ASB13: variants seen among roughly 807,000 people sequenced by gnomAD.
ASB13 encodes ankyrin repeat and SOCS box protein 13.
ASB13 carries 33 observed loss-of-function variants against 28.8 expected under a neutral mutation model. That is an observed-to-expected ratio of 1.15 (90% confidence interval 0.87 to 1.53). The LOEUF (loss-of-function observed/expected upper bound fraction) is 1.53. Among genes scored for constraint, ASB13 ranks in the 40% most tolerant of loss-of-function variants. The pLI, the probability that ASB13 is intolerant of heterozygous loss-of-function variation, is 0.00. For synonymous variants in ASB13, 182 were observed against 172.9 expected, an observed-to-expected ratio of 1.05 and a Z score of -0.41; for missense variants, 414 against 390.1, an observed-to-expected ratio of 1.06 and a Z score of -0.52.
chr10:5,660,032 G>A lies in ASB13; in HGVS notation c.43+6477C>T, dbSNP rs1835134994. Among the ~76,000 whole-genome samples the A allele has an allele frequency of 6.6e-6, 1 of 152,182 alleles. No individual in the cohort carries two copies. Among genetic ancestry groups the A allele is most frequent in the Non-Finnish European group, 1.5e-5 (1 of 68,042 alleles). ...TGCAGCCCTGGTGACTCATGACCCA[G>A]TCCTGATGGCTGGATTCTACCCACT... is the stretch of plus-strand genomic sequence containing the variant. On this transcript the variant is annotated intron_variant, in intron 1 of 5. Coordinates refer to ENST00000357700, the MANE Select transcript of ASB13 (RefSeq NM_024701.4). The surrounding 1 kb of genome is among the most constrained non-coding windows in gnomAD (Gnocchi z 6.1).
Position 5,640,458 on chromosome 10 carries a change from G to C in ASB13, c.*245C>G. 2 of 465,152 alleles carry C rather than the reference G, an allele frequency of 4.3e-6. No homozygotes were observed. Among genetic ancestry groups the C allele is most frequent in the Non-Finnish European group, 7.7e-6 (2 of 259,152 alleles). 28.8% of individuals were successfully genotyped at this position (465,152 alleles called of 1,614,324 possible). ...TGGTTGGGCCCATGCCCATTGAGAG[G>C]GTAGGTTCTGTAGAACAGCGCAGGG... On this transcript the variant is annotated 3_prime_UTR_variant, in exon 6 of 6. Transcript: ENST00000357700.
chr10:5,664,934 G>A lies in ASB13; in HGVS notation c.43+1575C>T, dbSNP rs1280271274. The stretch of plus-strand genomic sequence containing the variant: ...TGCAATGGCCCAATCTCGGCTTACT[G>A]CAACCTCTGCCTTCCAGGTTCGAGT... On this transcript the variant is annotated intron_variant, in intron 1 of 5. Transcript: ENST00000357700. This position sits in a 1 kb window ranked among gnomAD's most constrained non-coding sequence, Gnocchi z 4.2. 6.6e-6 allele frequency among the ~76,000 whole-genome samples: 1 copy of A among 151,922 alleles called. No homozygotes were observed. The highest frequency in any genetic ancestry group is 1.5e-5 in the Non-Finnish European group (1 of 67,986).
intron 1 of ASB13, among the ~76,000 whole-genome samples, chr10:5,654,145 C>CTTTTTTTT (rs145949502): frequency 1.7e-4 from 22 of 128,776 alleles, no homozygotes; most frequent in South Asian, 5.0e-4. Context: ...TTCTTTTTTT[C>CTTTTTTTT]TTTTTTTTTT....
intron 4 of ASB13, among the ~76,000 whole-genome samples, chr10:5,646,466 G>C (rs1480123325): frequency 6.6e-6 from 1 of 152,218 alleles, no homozygotes; most frequent in Non-Finnish European, 1.5e-5. Context: ...TGGCGTGTAG[G>C]CCTGAAGCCA....
At position 5,649,118 on chromosome 10, in the gene ASB13, G is replaced by GA. The variant is rs1391053282; in HGVS notation, c.383-15dup. 2 of 1,613,974 alleles carry GA rather than the reference G, an allele frequency of 1.2e-6. No homozygotes were observed. Among genetic ancestry groups the GA allele is most frequent in the Non-Finnish European group, 1.7e-6 (2 of 1,179,980 alleles). On this transcript the variant is annotated splice_polypyrimidine_tract_variant and intron_variant, in intron 3 of 5. Coordinates refer to ENST00000357700, the MANE Select transcript of ASB13 (RefSeq NM_024701.4). The surrounding 1 kb of genome is among the most constrained non-coding windows in gnomAD (Gnocchi z 6.4). ...ATTCGGAACTCCCTTAAGATAAATG[G>GA]AAAAGGGGGGGAATGTCCTTGAATA...
intron 1 of ASB13, among the ~76,000 whole-genome samples, chr10:5,653,708 G>A (rs1422551239): frequency 6.6e-6 from 1 of 151,626 alleles, no homozygotes; most frequent in African/African-American, 2.4e-5. Flanking sequence ...ATGAGACGGA[G>A]TCTCGCTCTG....
At chr10:5,653,196 G>T in intron 1 of ASB13, 146 bp from the exon 2 acceptor site, 2 of 925,714 alleles carry the variant, frequency 2.2e-6, no homozygotes, top group Non-Finnish European at 3.2e-6. Context: ...AGATCCCTGA[G>T]CCACCCCCAC....
rs115536875 is a variant in ASB13 at position 5,649,525 on chromosome 10, C to T, written c.383-421G>A. Among the ~76,000 whole-genome samples, 523 of 151,242 alleles carry T rather than the reference C, an allele frequency of 3.5e-3. 4 individuals carry two copies. Among genetic ancestry groups the T allele is most frequent in the African/African-American group, 0.012 (494 of 41,272 alleles). On this transcript the variant is annotated intron_variant, in intron 3 of 5. Transcript: ENST00000357700. The surrounding 1 kb of genome is among the most constrained non-coding windows in gnomAD (Gnocchi z 6.4). ...CCTGTGCACCACGGCAGCCGCCTCT[C>T]CTGCCTCTTTTTTTTTTTTAGACAA...
Position 5,661,058 on chromosome 10 carries a change from G to C in ASB13, c.43+5451C>G, listed in dbSNP as rs778751277. ...TTCTTTTTCTTTATTTTCCCCCTAG[G>C]CAGCTGGTTTGCCAGTATCTCCTCA... On this transcript the variant is annotated intron_variant, in intron 1 of 5. Transcript: ENST00000357700. This position sits in a 1 kb window ranked among gnomAD's most constrained non-coding sequence, Gnocchi z 4.9. Among the ~76,000 whole-genome samples the C allele has an allele frequency of 6.6e-6, 1 of 152,132 alleles. No individual in the cohort carries two copies. Among genetic ancestry groups the C allele is most frequent in the Non-Finnish European group, 1.5e-5 (1 of 68,024 alleles).
Position 5,649,692 on chromosome 10 carries a change from A to C in ASB13, c.383-588T>G, listed in dbSNP as rs560396540. 2.0e-5 allele frequency among the ~76,000 whole-genome samples: 3 copies of C among 150,126 alleles called. No homozygotes were observed. Among genetic ancestry groups the C allele is most frequent in the Admixed American group, 2.0e-4 (3 of 15,070 alleles). On this transcript the variant is annotated intron_variant, in intron 3 of 5. Transcript: ENST00000357700. The surrounding 1 kb of genome is among the most constrained non-coding windows in gnomAD (Gnocchi z 6.4). ...AGGCATGCACCACCGTGCCCGACTA[A>C]TTTTTTTGTATTTTTAGTAGAGACA...
In ASB13 at chr10:5,640,103, T is replaced by C. The variant is rs1834781698; in HGVS notation, c.*600A>G. 1 of 152,840 alleles carries C rather than the reference T, an allele frequency of 6.5e-6. No individual in the cohort carries two copies. The highest frequency in any genetic ancestry group is 2.4e-5 in the African/African-American group (1 of 41,450). 9.5% of individuals were successfully genotyped at this position (152,840 alleles called of 1,614,324 possible). A position where few individuals can be genotyped will look rare whatever the true frequency, so the allele number is the denominator to read the frequency against. On this transcript the variant is annotated 3_prime_UTR_variant, in exon 6 of 6. Coordinates refer to ENST00000357700, the MANE Select transcript of ASB13 (RefSeq NM_024701.4). ...CCATAGAAAGTCCCTGAGTGACAGA[T>C]GCGCGCAGGCTTGGGGCTGGGGGAT...
At chr10:5,662,598 G>GAAGAGAAGAGAAGAA (rs1835191778) in intron 1 of ASB13, among the ~76,000 whole-genome samples, 3 of 145,370 alleles carry the variant, frequency 2.1e-5, no homozygotes, top group Non-Finnish European at 4.5e-5. Context: ...GAAGAGAAGA[G>GAAGAGAAGAGAAGAA]AAGAGAAGAG....
At chr10:5,648,319 A>C in intron 4 of ASB13, among the ~76,000 whole-genome samples, 1 of 143,378 alleles carries the variant, frequency 7.0e-6, no homozygotes, top group Admixed American at 7.0e-5. Context: ...ACTCAGGCAA[A>C]CACCCCCTCG....
In ASB13 at chr10:5,651,275, T is replaced by C. The variant is rs777518625; in HGVS notation, c.320A>G (p.Tyr107Cys). ...CAGGGGAGGGTTGACCTTGGCCCCG[T>C]AGGACAGCAAGAGCTTCACACACTC... ...SIECVKLLLS[Y>C]GAKVNPPLYT... Residue 107 changes from tyrosine (Y) to cysteine (C), a missense_variant, in exon 3 of 6, where the codon TAC (tyrosine) becomes TGC (cysteine). By Grantham distance (194) the Tyr-to-Cys change is radical (BLOSUM62 -2). Coordinates refer to ENST00000357700, the MANE Select transcript of ASB13 (RefSeq NM_024701.4). The surrounding 1 kb of genome is among the most constrained non-coding windows in gnomAD (Gnocchi z 5.1). 2.5e-6 allele frequency: 4 copies of C among 1,613,990 alleles called. No homozygotes were observed. In the South Asian group the frequency reaches 3.3e-5, roughly 13 times the overall value.
chr10:5,655,747 G>A lies in ASB13; in HGVS notation c.44-2697C>T, dbSNP rs956132287. Among the ~76,000 whole-genome samples the A allele has an allele frequency of 4.6e-5, 7 of 152,116 alleles. No homozygotes were observed. Among genetic ancestry groups the A allele is most frequent in the Non-Finnish European group, 1.0e-4 (7 of 68,030 alleles). ...GTGTCACTTTAAAATCAATCCGCAG[G>A]GAGCAAAATCCTAAGGGTAGAAGGA... On this transcript the variant is annotated intron_variant, in intron 1 of 5. Transcript: ENST00000357700. The surrounding 1 kb of genome is among the most constrained non-coding windows in gnomAD (Gnocchi z 6.2).
At chr10:5,654,521 T>C (rs1423870824) in intron 1 of ASB13, among the ~76,000 whole-genome samples, 3 of 152,320 alleles carry the variant, frequency 2.0e-5, no homozygotes, top group Middle Eastern at 6.8e-3. Flanking sequence ...AAAAGCTCGC[T>C]AACTGGTACA....
chr10:5,642,836 G>A lies in ASB13; in HGVS notation c.518-875C>T, dbSNP rs1470630947. Among the ~76,000 whole-genome samples the A allele has an allele frequency of 6.6e-6, 1 of 152,012 alleles. No homozygotes were observed. The highest frequency in any genetic ancestry group is 1.5e-5 in the Non-Finnish European group (1 of 68,000). On this transcript the variant is annotated intron_variant, in intron 4 of 5. Transcript: ENST00000357700. The surrounding 1 kb of genome is among the most constrained non-coding windows in gnomAD (Gnocchi z 4.1). ...ATTTTTCTATTTTTTGTAGAGACGG[G>A]GTTTTGCCGTGTTGGCCAGGTTGGT... is the stretch of plus-strand genomic sequence containing the variant.
chr10:5,646,207 GC>G (rs1834884130), intron 4 of ASB13, among the ~76,000 whole-genome samples: 1 of 152,172 alleles, frequency 6.6e-6, no homozygotes, highest in African/African-American at 2.4e-5. Context: ...TTCCTTTCCA[GC>G]CCCCACCCCC....
intron 5 of ASB13, 76 bp from the exon 6 acceptor site, chr10:5,640,906 A>C: frequency 1.7e-4 from 270 of 1,559,662 alleles, no homozygotes; most frequent in Non-Finnish European, 2.1e-4. Flanking sequence ...ACACAAACTC[A>C]GAGGGAATCG....
Sources: gnomAD v4.1 joint callset for allele counts (sites outside exome capture counted in the v4.1 genomes callset) on GRCh38, gnomAD v4.1.1 for gene constraint, Gnocchi (gnomAD v3.1) non-coding constraint, MANE v1.5 for transcripts, NCBI Gene and HGNC (gene_info 2026-07-23, HGNC 2026-07-21) for gene names.